Variants in CYFIP2 observed in about 807,000 individuals in gnomAD.
CYFIP2 encodes the protein cytoplasmic FMR1 interacting protein 2, also known as cytoplasmic FMR1-interacting protein 2.
In CYFIP2, 29 loss-of-function variants were observed where a neutral mutation model predicts 158.7. The observed-to-expected ratio is 0.18, with a 90% CI of 0.14 to 0.25. CYFIP2 has a LOEUF of 0.25. CYFIP2 is among the 10% of genes least tolerant of loss of function. The pLI is 1.00. For synonymous variants in CYFIP2, 585 were observed against 617.6 expected (o/e 0.95, Z 0.78); for missense variants, 852 against 1,639.5 (o/e 0.52, Z 8.29).
chr5:157,386,568 C>CA (rs1400374818), intron 28 of CYFIP2, among the ~76,000 whole-genome samples: 2 of 152,122 alleles, frequency 1.3e-5, no homozygotes, highest in East Asian at 1.9e-4. Flanking sequence ...ATTGACCCTT[C>CA]AGTTACTAAG....
At chr5:157,375,065 C>G (rs1009296899) in intron 26 of CYFIP2, among the ~76,000 whole-genome samples, 1 of 152,118 alleles carries the variant, frequency 6.6e-6, no homozygotes, top group African/African-American at 2.4e-5. Flanking sequence ...ATCAGCATTC[C>G]CAACTTGAGA....
chr5:157,319,391 C>A (rs540605370), intron 13 of CYFIP2, among the ~76,000 whole-genome samples: 2 of 152,328 alleles, frequency 1.3e-5, no homozygotes, highest in African/African-American at 2.4e-5. Flanking sequence ...TATGGAGAGG[C>A]CTTCAAAAGC....
chr5:157,342,720 G>T, intron 23 of CYFIP2: 1 of 804,156 alleles, frequency 1.2e-6, no homozygotes, highest in Non-Finnish European at 1.9e-6. Flanking sequence ...TTTGTCATGG[G>T]GCATTCATCC....
At chr5:157,326,398 C>T in intron 18 of CYFIP2, 131 bp downstream of exon 18, 4 of 764,018 alleles carry the variant, frequency 5.2e-6, no homozygotes, top group Non-Finnish European at 8.8e-6. Context: ...TAACCATGGC[C>T]ATCAGAAGGC....
Position 157,287,123 on chromosome 5 carries a change from C to T in CYFIP2, c.207+15C>T. The T allele has an allele frequency of 6.2e-7, 1 of 1,609,302 alleles. No homozygotes were observed. The highest frequency in any genetic ancestry group is 8.5e-7 in the Non-Finnish European group (1 of 1,176,074). On this transcript the variant is annotated intron_variant, in intron 3 of 30. Coordinates refer to ENST00000620254, the MANE Select transcript of CYFIP2 (RefSeq NM_001037333.3). Reference sequence around the variant, plus strand: ...ACTCCAGCATGGTAAGTCTCTGTGACCCACGTGTGCAGACATGCTCCCTGC... The same window carrying T: ...ACTCCAGCATGGTAAGTCTCTGTGATCCACGTGTGCAGACATGCTCCCTGC...
intron 29 of CYFIP2, 53 bp from the exon 30 acceptor site, chr5:157,390,468 C>T: frequency 7.4e-7 from 1 of 1,351,586 alleles, no homozygotes; most frequent in Non-Finnish European, 1.0e-6. Context: ...CCCTCCCTCC[C>T]TGCCCTCCTC....
intron 1 of CYFIP2, among the ~76,000 whole-genome samples, chr5:157,280,363 A>ATTTTTTTTTTTTTTTTTTTT (rs57893061): frequency 6.8e-5 from 9 of 133,224 alleles, no homozygotes; most frequent in Non-Finnish European, 1.3e-4. Context: ...CGCCTGGCTA[A>ATTTTTTTTTTTTTTTTTTTT]TTTTTTTTTT....
intron 18 of CYFIP2, among the ~76,000 whole-genome samples, chr5:157,327,759 T>C (rs947721293): frequency 6.6e-6 from 1 of 152,138 alleles, no homozygotes; most frequent in Admixed American, 6.5e-5. Flanking sequence ...TTGGGTCCTT[T>C]TTGAACTTTG....
chr5:157,304,305 G>C lies in CYFIP2; in HGVS notation c.734G>C (p.Cys245Ser). ...CTGCTGGCTGACATTGTCAACATCT[G>C]TGTGGATTACTACGAGAACAAGATG... ...EELLADIVNI[C>S]VDYYENKMYL... Residue 245 changes from cysteine to serine, a missense_variant, in exon 8 of 31, where the codon TGT becomes TCT. Transcript: ENST00000620254. The C allele has an allele frequency of 1.2e-6, 2 of 1,613,996 alleles. No homozygotes were observed. Among genetic ancestry groups the C allele is most frequent in the South Asian group, 1.1e-5 (1 of 91,082 alleles).
At chr5:157,359,446 T>G (rs1443054757) in intron 24 of CYFIP2, among the ~76,000 whole-genome samples, 2 of 152,220 alleles carry the variant, frequency 1.3e-5, no homozygotes, top group Admixed American at 1.3e-4. Context: ...CGCTTGCCAC[T>G]GACTGCTCAT....
chr5:157,289,657 G>T (rs1345603655), intron 3 of CYFIP2, among the ~76,000 whole-genome samples: 2 of 152,056 alleles, frequency 1.3e-5, no homozygotes. Context: ...TTAGATCAGG[G>T]CCCTCTCTAA....
intron 13 of CYFIP2, among the ~76,000 whole-genome samples, chr5:157,316,706 T>C (rs1267466678): frequency 6.6e-6 from 1 of 152,194 alleles, no homozygotes; most frequent in East Asian, 1.9e-4. Context: ...AGATTCCTTA[T>C]CTGTAAAATG....
At position 157,393,629 on chromosome 5, in the gene CYFIP2, T is replaced by C. The variant is rs1767522983; in HGVS notation, c.*629T>C. 1 of 152,438 alleles carries C rather than the reference T, an allele frequency of 6.6e-6. No individual in the cohort carries two copies. Among genetic ancestry groups the C allele is most frequent in the South Asian group, 2.1e-4 (1 of 4,842 alleles). 9.4% of individuals were successfully genotyped at this position (152,438 alleles called of 1,614,324 possible). On this transcript the variant is annotated 3_prime_UTR_variant, in exon 31 of 31. Coordinates refer to ENST00000620254, the MANE Select transcript of CYFIP2 (RefSeq NM_001037333.3). ...GGTCCAAAAAGCATTCACAGCTGTA[T>C]CACACTCTATGCAGGTGGGGTAGGA... is the stretch of plus-strand genomic sequence containing the variant.
intron 1 of CYFIP2, among the ~76,000 whole-genome samples, chr5:157,282,254 G>A (rs1454039269): frequency 6.6e-6 from 1 of 152,218 alleles, no homozygotes; most frequent in African/African-American, 2.4e-5. Flanking sequence ...AGGCAGAGGG[G>A]TAACAGTTAT....
At chr5:157,376,889 G>T (rs547382785) in intron 26 of CYFIP2, 5 of 455,676 alleles carry the variant, frequency 1.1e-5, no homozygotes, top group Non-Finnish European at 2.2e-5. Context: ...CTTCTCTTCC[G>T]TGTCCACACA....
intron 26 of CYFIP2, among the ~76,000 whole-genome samples, chr5:157,374,792 G>T (rs1450230399): frequency 6.6e-6 from 1 of 152,164 alleles, no homozygotes; most frequent in East Asian, 1.9e-4. Context: ...ATTAAATTGC[G>T]AACTTAATTC....
intron 26 of CYFIP2, among the ~76,000 whole-genome samples, chr5:157,365,822 G>A (rs1434175021): frequency 1.4e-5 from 1 of 71,266 alleles, no homozygotes; most frequent in African/African-American, 6.3e-5. Flanking sequence ...ATTCATCCAT[G>A]TTGTAGATGA....
At chr5:157,368,437 G>GA (rs201745933) in intron 26 of CYFIP2, among the ~76,000 whole-genome samples, 2,494 of 151,654 alleles carry the variant, frequency 0.016, 27 homozygotes, top group Non-Finnish European at 0.025. Flanking sequence ...CACTCTGAGG[G>GA]AAAAAAAACT....
chr5:157,324,316 T>C (rs1051535106), intron 16 of CYFIP2, among the ~76,000 whole-genome samples: 2 of 152,242 alleles, frequency 1.3e-5, no homozygotes, highest in African/African-American at 4.8e-5. Flanking sequence ...GGCTAATTTG[T>C]CATAAAGTCC....
Sources: allele counts gnomAD v4.1 joint callset (sites outside exome capture counted in the v4.1 genomes callset), GRCh38; gene constraint gnomAD v4.1.1; transcripts MANE v1.5; gene names NCBI Gene and HGNC (gene_info 2026-07-23, HGNC 2026-07-21).